Variants in CBFA2T3 observed in about 807,000 individuals in gnomAD.
The protein encoded by CBFA2T3 is CBFA2/RUNX1 partner transcriptional co-repressor 3.
CBFA2T3 carries 31 observed loss-of-function variants against 58.6 expected under a neutral mutation model. The observed-to-expected ratio is 0.53, with a 90% CI of 0.40 to 0.71. CBFA2T3 has a LOEUF of 0.71. CBFA2T3 is among the 30% of genes least tolerant of loss of function. The pLI is 0.00. For synonymous variants in CBFA2T3, 531 were observed against 421.9 expected (o/e 1.26, Z -3.17); for missense variants, 1,076 against 963.1 (o/e 1.12, Z -1.55).
At chr16:88,936,155 G>A (rs1020860173) in intron 1 of CBFA2T3, among the ~76,000 whole-genome samples, 9 of 152,254 alleles carry the variant, frequency 5.9e-5, no homozygotes, top group East Asian at 1.9e-4. Flanking sequence ...TACACTGGGC[G>A]GGGACTTCCT....
rs139435727 is a variant in CBFA2T3, at chr16:88,975,960, G to A, written c.151+697C>T. ...CGACGGCTGCTGGGAGTGTGGCCAC[G>A]AGGGCCACTGGGAATCGGGGCCACC... On this transcript the variant is annotated intron_variant, in intron 1 of 11. Coordinates refer to ENST00000268679, the MANE Select transcript of CBFA2T3 (RefSeq NM_005187.6). 2.9e-3 allele frequency among the ~76,000 whole-genome samples: 438 copies of A among 152,344 alleles called. 5 individuals are homozygous for A. The highest frequency in any genetic ancestry group is 0.01 in the African/African-American group (421 of 41,570).
intron 1 of CBFA2T3, among the ~76,000 whole-genome samples, chr16:88,926,737 C>T (rs900076070): frequency 3.3e-5 from 5 of 152,312 alleles, no homozygotes; most frequent in East Asian, 1.9e-4. Flanking sequence ...GGCTGTAAGA[C>T]GGGACGGAGG....
intron 1 of CBFA2T3, chr16:88,936,766 A>C (rs1971515575): frequency 1.3e-5 from 2 of 152,304 alleles, no homozygotes; most frequent in Non-Finnish European, 2.9e-5. Flanking sequence ...CACGAATTAC[A>C]AAAAGCAGAA....
intron 11 of CBFA2T3, 36 bp downstream of exon 11, chr16:88,879,234 C>T (rs1567571927): frequency 1.3e-6 from 2 of 1,548,088 alleles, no homozygotes; most frequent in African/African-American, 1.4e-5. Flanking sequence ...GGAGCCGAGG[C>T]AGGGGATGGG....
chr16:88,892,775 C>T (rs1969697443), intron 3 of CBFA2T3, among the ~76,000 whole-genome samples: 1 of 152,314 alleles, frequency 6.6e-6, no homozygotes, highest in Middle Eastern at 3.4e-3. Flanking sequence ...GGTGAAGCCT[C>T]TTTGCCCCAG....
intron 5 of CBFA2T3, among the ~76,000 whole-genome samples, chr16:88,890,801 C>T (rs896706966): frequency 3.3e-5 from 5 of 152,172 alleles, no homozygotes; most frequent in South Asian, 2.1e-4. Context: ...ACTGCAGTCT[C>T]GACCTCCTGG....
intron 1 of CBFA2T3, chr16:88,950,225 A>G (rs1479183004): frequency 4.6e-6 from 2 of 436,022 alleles, no homozygotes; most frequent in Non-Finnish European, 4.6e-6. Flanking sequence ...GCACCGCCAC[A>G]GAGGGTCAGA....
At chr16:88,909,533 C>T (rs894857688) in intron 1 of CBFA2T3, among the ~76,000 whole-genome samples, 7 of 151,740 alleles carry the variant, frequency 4.6e-5, no homozygotes, top group Admixed American at 3.3e-4. Flanking sequence ...GTGACCATGA[C>T]GGCAGCTGGG....
At chr16:88,917,779 T>A (rs912378734) in intron 1 of CBFA2T3, among the ~76,000 whole-genome samples, 6 of 152,124 alleles carry the variant, frequency 3.9e-5, no homozygotes, top group Admixed American at 1.3e-4. Context: ...GTGTGACATG[T>A]GATGTGCGCA....
intron 1 of CBFA2T3, among the ~76,000 whole-genome samples, chr16:88,918,877 T>C (rs1000469560): frequency 6.6e-6 from 1 of 152,202 alleles, no homozygotes; most frequent in Non-Finnish European, 1.5e-5. Flanking sequence ...TGTAAAAAAG[T>C]AGAGGTTCCC....
At chr16:88,914,276 C>A (rs764807431) in intron 1 of CBFA2T3, among the ~76,000 whole-genome samples, 1 of 152,206 alleles carries the variant, frequency 6.6e-6, no homozygotes, top group African/African-American at 2.4e-5. Context: ...ACCCTGACAG[C>A]GCAGTGACCA....
chr16:88,893,020 C>T (rs913086281), intron 3 of CBFA2T3, among the ~76,000 whole-genome samples: 2 of 152,168 alleles, frequency 1.3e-5, no homozygotes, highest in African/African-American at 2.4e-5. Context: ...CTTCTCCACA[C>T]GTCGGGGGCT....
intron 1 of CBFA2T3, among the ~76,000 whole-genome samples, chr16:88,933,227 C>T (rs1257966836): frequency 1.3e-5 from 2 of 152,246 alleles, no homozygotes; most frequent in Non-Finnish European, 2.9e-5. Context: ...CTGTTTTGCG[C>T]TCCCCCAGTG....
Position 88,916,162 on chromosome 16 carries a change from T to C in CBFA2T3, c.152-14506A>G, listed in dbSNP as rs569326984. On this transcript the variant is annotated intron_variant, in intron 1 of 11. Transcript: ENST00000268679. Reference sequence around the variant, plus strand: ...CATGTGGGTGTGTGTGCATGTGTATTCATGCGTGTATTCATGTGTGCGCAT... The same window carrying C: ...CATGTGGGTGTGTGTGCATGTGTATCCATGCGTGTATTCATGTGTGCGCAT... 6.8e-5 allele frequency among the ~76,000 whole-genome samples: 10 copies of C among 148,090 alleles called. No individual in the cohort carries two copies. In the South Asian group the frequency reaches 1.9e-3, roughly 29 times the overall value.
At chr16:88,959,917 T>C (rs1017206427) in intron 1 of CBFA2T3, among the ~76,000 whole-genome samples, 2 of 152,018 alleles carry the variant, frequency 1.3e-5, no homozygotes, top group Admixed American at 6.6e-5. Context: ...TCCCAGCTAC[T>C]TGGCAGGAGG....
rs949918411 is a variant in CBFA2T3, at chr16:88,949,823, C to T, written c.151+26834G>A. Among the ~76,000 whole-genome samples the T allele has an allele frequency of 2.6e-5, 4 of 151,990 alleles. No individual in the cohort carries two copies. The East Asian group carries it at 5.9e-4, about 22-fold the overall frequency. On this transcript the variant is annotated intron_variant, in intron 1 of 11. Transcript: ENST00000268679. ...GTCAGGAGTTCAAGACCAGCCTGGC[C>T]GACATGGCGAAACCCCGTCTCTACT...
intron 1 of CBFA2T3, among the ~76,000 whole-genome samples, chr16:88,925,156 C>A (rs190217453): frequency 3.3e-5 from 5 of 152,230 alleles, no homozygotes; most frequent in African/African-American, 1.2e-4. Flanking sequence ...AGGCCATGTC[C>A]GCAGTGGGCA....
intron 4 of CBFA2T3, 67 bp downstream of exon 4, chr16:88,892,177 G>A: frequency 1.3e-6 from 2 of 1,553,056 alleles, no homozygotes; most frequent in Non-Finnish European, 1.7e-6. Flanking sequence ...AGTGGCCGTG[G>A]CTGCAACCTC....
At chr16:88,878,838 T>G (rs551896126) in intron 11 of CBFA2T3, among the ~76,000 whole-genome samples, 1 of 152,000 alleles carries the variant, frequency 6.6e-6, no homozygotes, top group African/African-American at 2.4e-5. Context: ...CCCAGCTACT[T>G]GGGAGGCTGA....
Sources: allele counts gnomAD v4.1 joint callset (sites outside exome capture counted in the v4.1 genomes callset), GRCh38; gene constraint gnomAD v4.1.1; transcripts MANE v1.5; gene names NCBI Gene and HGNC (gene_info 2026-07-23, HGNC 2026-07-21).